The following TTC3 variants were observed in gnomAD, a reference collection of about 807,000 sequenced individuals.
TTC3 encodes E3 ubiquitin-protein ligase TTC3.
In TTC3, 180 loss-of-function variants were observed where a neutral mutation model predicts 249.6. The ratio of observed to expected loss-of-function variants is 0.72; its 90% CI spans 0.64 to 0.82. The LOEUF (loss-of-function observed/expected upper bound fraction) is 0.82, where lower values mean the gene tolerates loss of function less well. Ranked by LOEUF, TTC3 falls within the 40% of genes least tolerant of loss-of-function variation. TTC3 has a pLI of 0.00. For synonymous variants in TTC3, 717 were observed against 805.0 expected, an observed-to-expected ratio of 0.89 and a Z score of 1.85; for missense variants, 2,061 against 2,398.4, an observed-to-expected ratio of 0.86 and a Z score of 2.94.
chr21:37,174,140 G>A (rs78798940), intron 35 of TTC3, among the ~76,000 whole-genome samples: 115 of 152,268 alleles, frequency 7.6e-4, no homozygotes, highest in African/African-American at 2.7e-3. Context: ...TGTGTGTTCT[G>A]TGTGCACAGT....
intron 34 of TTC3, 105 bp from the exon 35 acceptor site, chr21:37,172,490 C>T: frequency 1.6e-6 from 2 of 1,280,670 alleles, no homozygotes; most frequent in Non-Finnish European, 1.0e-6. Context: ...AAATTTTCAT[C>T]TGCTTTTTAC....
At chr21:37,164,160 C>T (rs762880212) in exon 32 of TTC3, 106 of 1,612,706 alleles carry the variant, frequency 6.6e-5, no homozygotes, top group African/African-American at 2.5e-4. Flanking sequence ...ATATGTTGTC[C>T]GCAATAAGAA....
At chr21:37,181,868 T>C (rs2082792914) in intron 35 of TTC3, among the ~76,000 whole-genome samples, 1 of 152,156 alleles carries the variant, frequency 6.6e-6, no homozygotes, top group Non-Finnish European at 1.5e-5. Context: ...TTTCTATAGC[T>C]GAAATGACCT....
chr21:37,157,154 G>A (rs559089412), intron 28 of TTC3: 68 of 1,407,430 alleles, frequency 4.8e-5, no homozygotes, highest in South Asian at 3.9e-4. Context: ...TGTTCTTCCC[G>A]TCTTAGATAT....
chr21:37,119,296 A>G (rs2076401603), intron 11 of TTC3, among the ~76,000 whole-genome samples: 1 of 151,944 alleles, frequency 6.6e-6, no homozygotes, highest in Admixed American at 6.6e-5. Context: ...TTTTCTGAGT[A>G]CTCTACTTGA....
intron 1 of TTC3, among the ~76,000 whole-genome samples, chr21:37,080,049 T>G (rs1217318553): frequency 6.6e-6 from 1 of 152,288 alleles, no homozygotes; most frequent in Admixed American, 6.5e-5. Context: ...TTATTTCATT[T>G]TACTTTCAGT....
rs1205961045 is a variant in TTC3 at position 37,174,595 on chromosome 21, C to T, written c.4617+1851C>T. On this transcript the variant is annotated intron_variant, in intron 35 of 45. Coordinates refer to ENST00000355666, the Ensembl canonical transcript of TTC3. ...TGAGCTAACCAACTTTTCCTTTATA[C>T]TCCAGTTACTTGATGCCATGTTTGG... is the stretch of plus-strand genomic sequence containing the variant. 1.2e-4 allele frequency among the ~76,000 whole-genome samples: 19 copies of T among 152,194 alleles called. No individual in the cohort carries two copies. In the East Asian group the frequency reaches 2.9e-3, roughly 23 times the overall value.
At chr21:37,132,694 A>G (rs563969247) in exon 17 of TTC3, 55 of 1,604,558 alleles carry the variant, frequency 3.4e-5, no homozygotes, top group East Asian at 1.6e-4. Context: ...CTAGTTCACC[A>G]TTGACTTTAC....
At chr21:37,159,464 G>A in intron 28 of TTC3, 1 of 504,982 alleles carries the variant, frequency 2.0e-6, no homozygotes, top group Admixed American at 3.8e-5. Context: ...ATGGTACCTA[G>A]AAGGCACTCA....
intron 4 of TTC3, 89 bp from the exon 5 acceptor site, chr21:37,088,710 A>G: frequency 8.4e-7 from 1 of 1,185,934 alleles, no homozygotes; most frequent in Non-Finnish European, 1.2e-6. Flanking sequence ...CTTATTTTTT[A>G]ATGGTTTGAG....
At chr21:37,126,204 GC>G in intron 15 of TTC3, 61 bp downstream of exon 15, 1 of 1,503,636 alleles carries the variant, frequency 6.7e-7, no homozygotes. Context: ...AAATTTGGAT[GC>G]CCTACAATGT....
chr21:37,106,957 T>C (rs922874888), intron 10 of TTC3, among the ~76,000 whole-genome samples: 1 of 152,166 alleles, frequency 6.6e-6, no homozygotes, highest in African/African-American at 2.4e-5. Context: ...TAAAAGAGTA[T>C]ATTTTCTCCA....
Position 37,144,663 on chromosome 21 carries a change from C to G in TTC3, c.1893+18C>G, listed in dbSNP as rs373358156. Reference sequence around the variant, plus strand: ...AAATAAAGGTAACCATTTATTTTTGCAGAGTGTTTCTTACTGTGAATGCTT... The same window carrying G: ...AAATAAAGGTAACCATTTATTTTTGGAGAGTGTTTCTTACTGTGAATGCTT... On this transcript the variant is annotated intron_variant, in intron 21 of 45. Coordinates refer to ENST00000355666, the Ensembl canonical transcript of TTC3. The G allele has an allele frequency of 4.2e-5, 68 of 1,601,454 alleles. No individual in the cohort carries two copies. In the African/African-American group the frequency reaches 7.5e-4, roughly 18 times the overall value.
At chr21:37,119,667 G>A (rs1192756999) in intron 11 of TTC3, among the ~76,000 whole-genome samples, 1 of 152,142 alleles carries the variant, frequency 6.6e-6, no homozygotes, top group African/African-American at 2.4e-5. Context: ...TTATCAGTAA[G>A]CGGGATCAAT....
intron 21 of TTC3, among the ~76,000 whole-genome samples, chr21:37,146,176 G>T (rs562975021): frequency 2.0e-5 from 3 of 152,322 alleles, no homozygotes; most frequent in African/African-American, 7.2e-5. Context: ...GGTTGAGGCT[G>T]CAGTGAGCCT....
intron 35 of TTC3, among the ~76,000 whole-genome samples, chr21:37,174,272 G>A (rs2835646): frequency 0.53 from 80,893 of 151,952 alleles, 22,154 homozygotes; most frequent in African/African-American, 0.64. Context: ...CTGCTGTTGC[G>A]TGGCCCTACT....
rs112822947 is a variant in TTC3, at chr21:37,167,684, G to A, written c.4467+64G>A. 1.8e-4 allele frequency: 237 copies of A among 1,282,278 alleles called. 2 individuals are homozygous for A. The highest frequency in any genetic ancestry group is 1.1e-3 in the Middle Eastern group (6 of 5,338). 79.4% of individuals were successfully genotyped at this position (1,282,278 alleles called of 1,614,324 possible). The stretch of plus-strand genomic sequence containing the variant: ...TTTCATTAATTTATCTAGATGGAAT[G>A]ATGAACTAGAACTATTTTGGAGTCA... On this transcript the variant is annotated intron_variant, in intron 34 of 45. Coordinates refer to ENST00000355666, the Ensembl canonical transcript of TTC3.
intron 17 of TTC3, among the ~76,000 whole-genome samples, chr21:37,134,405 T>C (rs1298280670): frequency 6.7e-6 from 1 of 150,052 alleles, no homozygotes; most frequent in Non-Finnish European, 1.5e-5. Flanking sequence ...AGCCGAGATC[T>C]GCCACTGCAC....
intron 36 of TTC3, among the ~76,000 whole-genome samples, chr21:37,184,629 A>ATTTTTTTT (rs765134090): frequency 1.3e-4 from 16 of 121,580 alleles, no homozygotes; most frequent in Non-Finnish European, 2.6e-4. Context: ...TAATTTTTCT[A>ATTTTTTTT]TTTTTTTTTT....
Sources: allele counts gnomAD v4.1 joint callset (sites outside exome capture counted in the v4.1 genomes callset), GRCh38; gene constraint gnomAD v4.1.1; transcripts MANE v1.5; gene names NCBI Gene and HGNC (gene_info 2026-07-23, HGNC 2026-07-21).